TRMT1L: variants seen among roughly 807,000 people sequenced by gnomAD.
TRMT1L encodes the protein tRNA methyltransferase 1L, also known as tRNA (guanine(27)-N(2))-dimethyltransferase.
TRMT1L carries 28 observed loss-of-function variants against 81.6 expected under a neutral mutation model. That is an observed-to-expected ratio of 0.34 (90% CI 0.25 to 0.47). The LOEUF (loss-of-function observed/expected upper bound fraction) is 0.47, where lower values mean the gene tolerates loss of function less well. Ranked by LOEUF, TRMT1L falls within the 20% of genes least tolerant of loss-of-function variation. TRMT1L has a pLI of 1.00. For missense variants in TRMT1L, 739 were observed against 877.1 expected (o/e 0.84, Z 1.99); for synonymous variants, 301 against 303.2 (o/e 0.99, Z 0.07).
rs1192027302 is a variant in TRMT1L at position 185,119,060 on chromosome 1, C to T, written c.*959G>A. The T allele has an allele frequency of 6.6e-6, 1 of 151,288 alleles. No individual in the cohort carries two copies. Among genetic ancestry groups the T allele is most frequent in the Non-Finnish European group, 1.5e-5 (1 of 67,838 alleles). 9.4% of individuals were successfully genotyped at this position (151,288 alleles called of 1,614,324 possible). A position where few individuals can be genotyped will look rare whatever the true frequency, so the allele number is the denominator to read the frequency against. On this transcript the variant is annotated 3_prime_UTR_variant, in exon 15 of 15. Transcript: ENST00000367506. ...AAGGAAACAATATTTTTTTTTTCAA[C>T]TAATTTTTATAGTTACATCAGCCTG... is the stretch of plus-strand genomic sequence containing the variant.
Position 185,156,716 on chromosome 1 carries a change from T to TA in TRMT1L, c.-5dup, listed in dbSNP as rs1293167962. 1 of 1,612,482 alleles carries TA rather than the reference T, an allele frequency of 6.2e-7. No individual in the cohort carries two copies. The highest frequency in any genetic ancestry group is 8.5e-7 in the Non-Finnish European group (1 of 1,179,752). The stretch of plus-strand genomic sequence containing the variant: ...CCTCCTCCGCCATATTCTCCATAGT[T>TA]ACCGCCTCCGTGCCAAGCCCGCCCG... On this transcript the variant is annotated 5_prime_UTR_variant, in exon 1 of 15. Transcript: ENST00000367506.
chr1:185,124,880 T>G, intron 12 of TRMT1L, 64 bp downstream of exon 12: 1 of 1,422,240 alleles, frequency 7.0e-7, no homozygotes, highest in Non-Finnish European at 9.6e-7. Context: ...CAAATACAAT[T>G]GAAAAAGATA....
At position 185,148,294 on chromosome 1, in the gene TRMT1L, C is replaced by T. The variant is rs1653241081; in HGVS notation, c.461-1048G>A. Among the ~76,000 whole-genome samples, 4 of 152,188 alleles carry T rather than the reference C, an allele frequency of 2.6e-5. No individual in the cohort carries two copies. In the South Asian group the frequency reaches 8.3e-4, roughly 32 times the overall value. Reference sequence around the variant, plus strand: ...TTAGATGCATCTCACCCTTTAAATGCCCAAATTTCTGGTTCCGGCCTTCTT... The same window carrying T: ...TTAGATGCATCTCACCCTTTAAATGTCCAAATTTCTGGTTCCGGCCTTCTT... On this transcript the variant is annotated intron_variant, in intron 3 of 14. Coordinates refer to ENST00000367506, the MANE Select transcript of TRMT1L (RefSeq NM_030934.5).
chr1:185,143,590 A>G (rs1002962837), intron 6 of TRMT1L, among the ~76,000 whole-genome samples, 154 bp from the exon 7 acceptor site: 1 of 152,162 alleles, frequency 6.6e-6, no homozygotes, highest in African/African-American at 2.4e-5. Context: ...TACTATAAGA[A>G]CTAAAAATAT....
chr1:185,124,929 C>A lies in TRMT1L; in HGVS notation c.1759+15G>T. 6.3e-7 allele frequency: 1 copy of A among 1,599,410 alleles called. No homozygotes were observed. Among genetic ancestry groups the A allele is most frequent in the South Asian group, 1.1e-5 (1 of 87,896 alleles). ...AAGCAGTTTAAAGCTAGTAAGCTAG[C>A]GTTCAGTTAGTCACCTTGCTTGTTG... On this transcript the variant is annotated intron_variant, in intron 12 of 14. Coordinates refer to ENST00000367506, the MANE Select transcript of TRMT1L (RefSeq NM_030934.5).
intron 1 of TRMT1L, among the ~76,000 whole-genome samples, chr1:185,152,736 T>A (rs1250700255): frequency 2.0e-5 from 3 of 152,184 alleles, no homozygotes; most frequent in Non-Finnish European, 1.5e-5. Flanking sequence ...ATTCCAAGAT[T>A]TTGAGTTTAT....
intron 1 of TRMT1L, among the ~76,000 whole-genome samples, chr1:185,152,950 A>C (rs1403685184): frequency 6.6e-6 from 1 of 152,222 alleles, no homozygotes; most frequent in Non-Finnish European, 1.5e-5. Flanking sequence ...TACAAATCGT[A>C]AGTAACACAT....
intron 10 of TRMT1L, among the ~76,000 whole-genome samples, chr1:185,133,617 A>G: frequency 6.8e-6 from 1 of 146,634 alleles, no homozygotes; most frequent in Non-Finnish European, 1.5e-5. Flanking sequence ...TTTTTTTAAG[A>G]GATGGCATCT....
intron 10 of TRMT1L, among the ~76,000 whole-genome samples, chr1:185,136,364 T>G (rs939194175): frequency 6.6e-6 from 1 of 151,988 alleles, no homozygotes; most frequent in Admixed American, 6.6e-5. Context: ...GCCAAGATTG[T>G]GCCACTGAAC....
chr1:185,139,841 T>C (rs952281648), intron 8 of TRMT1L, 132 bp downstream of exon 8: 51 of 1,089,914 alleles, frequency 4.7e-5, no homozygotes, highest in Non-Finnish European at 5.9e-5. Context: ...CTGCATACCT[T>C]AGGCCAATGT....
chr1:185,134,391 C>T (rs1001239767), intron 10 of TRMT1L, among the ~76,000 whole-genome samples: 1 of 152,158 alleles, frequency 6.6e-6, no homozygotes, highest in Non-Finnish European at 1.5e-5. Flanking sequence ...GGGGTTTCAC[C>T]ATGTTGGCCA....
intron 5 of TRMT1L, among the ~76,000 whole-genome samples, chr1:185,144,532 A>T (rs1380625649): frequency 6.6e-6 from 1 of 152,012 alleles, no homozygotes; most frequent in Non-Finnish European, 1.5e-5. Flanking sequence ...ATATTTTCTC[A>T]TAATGATTTC....
intron 7 of TRMT1L, among the ~76,000 whole-genome samples, chr1:185,142,851 A>ATTT (rs1331741183): frequency 1.3e-5 from 2 of 152,184 alleles, no homozygotes; most frequent in African/African-American, 4.8e-5. Context: ...GGACCCATAG[A>ATTT]TTTAAAAGAG....
chr1:185,133,596 C>CG (rs1491194765), intron 10 of TRMT1L, among the ~76,000 whole-genome samples: 7 of 137,910 alleles, frequency 5.1e-5, no homozygotes, highest in Non-Finnish European at 6.3e-5. Context: ...TTCTGACTTG[C>CG]TTTTTTTTTT....
intron 10 of TRMT1L, among the ~76,000 whole-genome samples, chr1:185,132,673 G>A (rs1652803867): frequency 6.7e-6 from 1 of 149,864 alleles, no homozygotes; most frequent in Admixed American, 6.7e-5. Flanking sequence ...TATTTTAAGA[G>A]CATTCAGAGA....
intron 2 of TRMT1L, among the ~76,000 whole-genome samples, chr1:185,151,031 A>G (rs1653330603): frequency 6.6e-6 from 1 of 152,228 alleles, no homozygotes; most frequent in African/African-American, 2.4e-5. Flanking sequence ...CAGCCACCGT[A>G]TCCATTACTG....
At chr1:185,123,276 T>G (rs1273805334) in intron 13 of TRMT1L, among the ~76,000 whole-genome samples, 1 of 152,214 alleles carries the variant, frequency 6.6e-6, no homozygotes, top group Non-Finnish European at 1.5e-5. Context: ...TCTTTTCATC[T>G]GTACTCAAAA....
intron 11 of TRMT1L, among the ~76,000 whole-genome samples, chr1:185,125,803 A>T (rs766292093): frequency 1.8e-4 from 28 of 152,220 alleles, no homozygotes; most frequent in Non-Finnish European, 4.0e-4. Flanking sequence ...ACCTTATAAA[A>T]GCCTATAAAT....
chr1:185,143,190 C>T (rs1211317547), intron 7 of TRMT1L, among the ~76,000 whole-genome samples, 167 bp downstream of exon 7: 1 of 151,994 alleles, frequency 6.6e-6, no homozygotes, highest in Non-Finnish European at 1.5e-5. Context: ...CACAGAGACT[C>T]ACTTATTATA....
Sources: allele counts gnomAD v4.1 joint callset (sites outside exome capture counted in the v4.1 genomes callset), GRCh38; gene constraint gnomAD v4.1.1; transcripts MANE v1.5; gene names NCBI Gene and HGNC (gene_info 2026-07-23, HGNC 2026-07-21).